Variants in RIPK3 observed in about 807,000 individuals in gnomAD.
RIPK3 encodes receptor-interacting serine/threonine-protein kinase 3.
In RIPK3, 51 loss-of-function variants were observed where a neutral mutation model predicts 51.6. The observed-to-expected ratio is 0.99, with a 90% CI of 0.79 to 1.25. The LOEUF is 1.25. Among genes scored for constraint, RIPK3 ranks in the 50% most tolerant of loss-of-function variants. The pLI is 0.00. For synonymous variants in RIPK3, 246 were observed against 257.7 expected (o/e 0.95, Z 0.44); for missense variants, 654 against 650.4 (o/e 1.01, Z -0.06).
rs1429481592 is a variant in RIPK3 at position 24,339,575 on chromosome 14, A to C, written c.43T>G (p.Leu15Val). Residue 15 changes from leucine (L) to valine (V), a missense_variant, in exon 2 of 10, where the codon TTG (leucine) becomes GTG (valine). Transcript: ENST00000216274. This position sits in a 1 kb window ranked among gnomAD's most constrained non-coding sequence, Gnocchi z 4.0. ...TTCTCCAGTTCCTCGATGGACACCA[A>C]GGGGGCGGGGGCACCGCTGGGCCTG... ...KLWPSGAPAP[L>V]VSIEELENQE... 2.5e-6 allele frequency: 4 copies of C among 1,613,962 alleles called. No homozygotes were observed. Among genetic ancestry groups the C allele is most frequent in the Non-Finnish European group, 1.7e-6 (2 of 1,179,988 alleles).
intron 3 of RIPK3, 128 bp from the exon 4 acceptor site, chr14:24,338,695 T>A: frequency 7.7e-7 from 1 of 1,298,056 alleles, no homozygotes; most frequent in Non-Finnish European, 1.1e-6. Flanking sequence ...AGGGAAGAGG[T>A]TCCCTTGGAT....
Position 24,337,885 on chromosome 14 carries a change from G to A in RIPK3, c.820C>T (p.Pro274Ser), listed in dbSNP as rs866753680. 1 of 1,614,132 alleles carries A rather than the reference G, an allele frequency of 6.2e-7. No homozygotes were observed. The highest frequency in any genetic ancestry group is 1.3e-5 in the African/African-American group (1 of 75,060). The change falls in exon 6 of 10, where the codon CCC becomes TCC. Residue 274 changes from proline to serine, a missense_variant. Physicochemically the swap from Pro to Ser is moderately conservative, Grantham distance 74. Transcript: ENST00000216274. Reference protein sequence around the residue: ...LCWSSEPKDRPSFQECLPKTD... With the variant: ...LCWSSEPKDRSSFQECLPKTD... ...CTGGCCAGCTCACCCTGGAAGGAGGGTCTGTCCTTGGGCTCACTGCTCCAG... is the reference window on the plus strand; with the variant it reads ...CTGGCCAGCTCACCCTGGAAGGAGGATCTGTCCTTGGGCTCACTGCTCCAG...
intron 9 of RIPK3, 46 bp from the exon 10 acceptor site, chr14:24,336,441 A>C (rs2042135657): frequency 6.3e-7 from 1 of 1,592,016 alleles, no homozygotes; most frequent in Admixed American, 1.7e-5. Flanking sequence ...AGCTGTCAGA[A>C]AGGCCAAGTT....
At position 24,339,216 on chromosome 14, in the gene RIPK3, C is replaced by T. The variant is rs949776087; in HGVS notation, c.270G>A (p.Pro90=). 6 of 1,614,250 alleles carry T rather than the reference C, an allele frequency of 3.7e-6. No homozygotes were observed. The highest frequency in any genetic ancestry group is 3.4e-6 in the Non-Finnish European group (4 of 1,180,036). ...TCTCCATGAATTTAGTCACCAGAGC[C>T]GGCTTGGGATCTTGGTCCCAGTTCA... ...EKVNWDQDPK[P]ALVTKFMENG... The change falls in exon 3 of 10, where the codon CCG becomes CCA. Residue 90 remains proline, a synonymous_variant. Transcript: ENST00000216274. The surrounding 1 kb of genome is among the most constrained non-coding windows in gnomAD (Gnocchi z 4.0).
intron 3 of RIPK3, 194 bp downstream of exon 3, chr14:24,338,821 C>T (rs921097298): frequency 1.3e-5 from 9 of 669,090 alleles, no homozygotes; most frequent in Non-Finnish European, 2.3e-5. Flanking sequence ...ACTCGTGTGG[C>T]TCAGGGCCTC....
In RIPK3 at chr14:24,339,537, G is replaced by A. The variant is rs927514980; in HGVS notation, c.81C>T (p.Val27=). ...ACACTGTGCCGAACCCGCCTTTGCCGACGAGCTCCTGGTTCTCCAGTTCCT... is the reference window on the plus strand; with the variant it reads ...ACACTGTGCCGAACCCGCCTTTGCCAACGAGCTCCTGGTTCTCCAGTTCCT... The part of the protein sequence containing the change: ...SIEELENQEL[V]GKGGFGTVFR... Residue 27 remains valine (V), a synonymous_variant, in exon 2 of 10, where the codon GTC becomes GTT. Transcript: ENST00000216274. The surrounding 1 kb of genome is among the most constrained non-coding windows in gnomAD (Gnocchi z 4.0). The A allele has an allele frequency of 1.5e-5, 24 of 1,614,198 alleles. No homozygotes were observed. Among genetic ancestry groups the A allele is most frequent in the Non-Finnish European group, 2.0e-5 (24 of 1,180,030 alleles).
At position 24,337,081 on chromosome 14, in the gene RIPK3, C is replaced by A. The variant is rs1246787784; in HGVS notation, c.1275+5G>T. The A allele has an allele frequency of 4.3e-6, 7 of 1,612,390 alleles. No homozygotes were observed. In the African/African-American group the frequency reaches 8.0e-5, roughly 18 times the overall value. ...GTGCATCCCCTAATCCTGTCAATGT[C>A]TCACCTGATTCCCTCGGGGTCCAGG... On this transcript the variant is annotated splice_donor_5th_base_variant and intron_variant, in intron 8 of 9. Coordinates refer to ENST00000216274, the MANE Select transcript of RIPK3 (RefSeq NM_006871.4).
intron 6 of RIPK3, 27 bp downstream of exon 6, chr14:24,337,846 C>T (rs1251972180): frequency 3.1e-6 from 5 of 1,613,546 alleles, no homozygotes; most frequent in East Asian, 2.2e-5. Context: ...CAAGCTTATC[C>T]TAGATCCAGC....
chr14:24,336,111 G>A lies in RIPK3; in HGVS notation c.*64C>T. On this transcript the variant is annotated 3_prime_UTR_variant, in exon 10 of 10. Transcript: ENST00000216274. Reference sequence around the variant, plus strand: ...GCCAGACTGCCCTAGAAGGAAGTCAGGGGCCTCAAGGGGTGGCACTCTTCC... The same window carrying A: ...GCCAGACTGCCCTAGAAGGAAGTCAAGGGCCTCAAGGGGTGGCACTCTTCC... 1.3e-6 allele frequency: 2 copies of A among 1,536,552 alleles called. No individual in the cohort carries two copies. The highest frequency in any genetic ancestry group is 1.8e-6 in the Non-Finnish European group (2 of 1,133,458).
At chr14:24,337,001 C>CTCCT (rs2042143982) in intron 8 of RIPK3, 56 bp from the exon 9 acceptor site, 1 of 1,606,078 alleles carries the variant, frequency 6.2e-7, no homozygotes, top group Admixed American at 1.7e-5. Context: ...TCCCACTGCA[C>CTCCT]TCCTCTCAGC....
rs995883721 is a variant in RIPK3 at position 24,336,925 on chromosome 14, C to G, written c.1296G>C (p.Met432Ile). The change falls in exon 9 of 10, where the codon ATG becomes ATC. Residue 432 changes from methionine (M) to isoleucine (I), a missense_variant. Coordinates refer to ENST00000216274, the MANE Select transcript of RIPK3 (RefSeq NM_006871.4). Reference protein sequence around the residue: ...RGNQGAERQGMNWSCRTPEPN... With the variant: ...RGNQGAERQGINWSCRTPEPN... ...GCTCCGGGGTCCTGCAGGACCAGTT[C>G]ATGCCTTGTCTCTCAGCCCCCTGCA... The G allele has an allele frequency of 1.9e-6, 3 of 1,614,122 alleles. No individual in the cohort carries two copies. Among genetic ancestry groups the G allele is most frequent in the Non-Finnish European group, 2.5e-6 (3 of 1,179,986 alleles).
chr14:24,337,608 T>C (rs1455276319), intron 7 of RIPK3, 87 bp downstream of exon 7: 3 of 1,537,164 alleles, frequency 2.0e-6, no homozygotes, highest in Non-Finnish European at 2.7e-6. Context: ...TAAAAAGCAG[T>C]GGTCAGTGGT....
In RIPK3 at chr14:24,336,745, C is replaced by T. The variant is rs1001129793; in HGVS notation, c.1336+140G>A. 7.9e-6 allele frequency: 7 copies of T among 883,280 alleles called. No homozygotes were observed. The African/African-American group carries it at 1.1e-4, about 14-fold the overall frequency. 54.7% of individuals were successfully genotyped at this position (883,280 alleles called of 1,614,324 possible). On this transcript the variant is annotated intron_variant, in intron 9 of 9. Coordinates refer to ENST00000216274, the MANE Select transcript of RIPK3 (RefSeq NM_006871.4). Reference sequence around the variant, plus strand: ...CCTTTCTCAGGGGGTGTCGGTTTTCCCATTTATGAAATGAGAAGGTTGAGT... The same window carrying T: ...CCTTTCTCAGGGGGTGTCGGTTTTCTCATTTATGAAATGAGAAGGTTGAGT...
At chr14:24,338,105 C>G (rs1453863269) in intron 5 of RIPK3, 65 bp from the exon 6 acceptor site, 1 of 1,610,150 alleles carries the variant, frequency 6.2e-7, no homozygotes, top group Non-Finnish European at 8.5e-7. Context: ...TCTGCTTCAT[C>G]ATGGAAAGAG....
Position 24,339,870 on chromosome 14 carries a change from A to G in RIPK3, c.-44T>C. 1.3e-6 allele frequency: 2 copies of G among 1,539,978 alleles called. No homozygotes were observed. Among genetic ancestry groups the G allele is most frequent in the Non-Finnish European group, 1.7e-6 (2 of 1,147,738 alleles). On this transcript the variant is annotated 5_prime_UTR_variant, in exon 1 of 10. Coordinates refer to ENST00000216274, the MANE Select transcript of RIPK3 (RefSeq NM_006871.4). The surrounding 1 kb of genome is among the most constrained non-coding windows in gnomAD (Gnocchi z 4.0). The stretch of plus-strand genomic sequence containing the variant: ...GGGGCCTCTGGAAATTGCGAGCCGT[A>G]GGAGATGGAGTGACTTCTGGGGCTT...
rs2042165328 is a variant in RIPK3 at position 24,339,217 on chromosome 14, G to A, written c.269C>T (p.Pro90Leu). 1 of 1,614,112 alleles carries A rather than the reference G, an allele frequency of 6.2e-7. No individual in the cohort carries two copies. Among genetic ancestry groups the A allele is most frequent in the Admixed American group, 1.7e-5 (1 of 60,014 alleles). Residue 90 changes from proline to leucine, a missense_variant, in exon 3 of 10, where the codon CCG (proline) becomes CTG (leucine). Transcript: ENST00000216274. This position sits in a 1 kb window ranked among gnomAD's most constrained non-coding sequence, Gnocchi z 4.0. ...CTCCATGAATTTAGTCACCAGAGCCGGCTTGGGATCTTGGTCCCAGTTCAC... is the reference window on the plus strand; with the variant it reads ...CTCCATGAATTTAGTCACCAGAGCCAGCTTGGGATCTTGGTCCCAGTTCAC... ...EKVNWDQDPK[P>L]ALVTKFMENG...
At chr14:24,338,865 C>A in intron 3 of RIPK3, 150 bp downstream of exon 3, 1 of 718,060 alleles carries the variant, frequency 1.4e-6, no homozygotes, top group Non-Finnish European at 2.3e-6. Context: ...AAACTCCTGG[C>A]TGGGCTTTGT....
chr14:24,337,881 G>A lies in RIPK3; in HGVS notation c.824C>T (p.Ser275Phe), dbSNP rs2042151310. 3 of 1,613,888 alleles carry A rather than the reference G, an allele frequency of 1.9e-6. No individual in the cohort carries two copies. Among genetic ancestry groups the A allele is most frequent in the Non-Finnish European group, 2.5e-6 (3 of 1,179,852 alleles). Residue 275 changes from serine (S) to phenylalanine (F), a missense_variant, in exon 6 of 10, where the codon TCC becomes TTC. By Grantham distance (155) the Ser-to-Phe change is radical. Coordinates refer to ENST00000216274, the MANE Select transcript of RIPK3 (RefSeq NM_006871.4). The stretch of plus-strand genomic sequence containing the variant: ...CTAACTGGCCAGCTCACCCTGGAAG[G>A]AGGGTCTGTCCTTGGGCTCACTGCT... Reference protein sequence around the residue: ...CWSSEPKDRPSFQECLPKTDE... With the variant: ...CWSSEPKDRPFFQECLPKTDE...
chr14:24,336,484 G>C, intron 9 of RIPK3, 89 bp from the exon 10 acceptor site: 1 of 1,532,894 alleles, frequency 6.5e-7, no homozygotes, highest in Non-Finnish European at 8.8e-7. Context: ...GTCTCTACTT[G>C]TCAGTGGCTG....
Sources: allele counts gnomAD v4.1 joint callset, GRCh38; gene constraint gnomAD v4.1.1; non-coding constraint Gnocchi (gnomAD v3.1); transcripts MANE v1.5; gene names NCBI Gene and HGNC (gene_info 2026-07-23, HGNC 2026-07-21).